The following PPM1H variants were observed in gnomAD, a reference collection of about 807,000 sequenced individuals.
PPM1H encodes protein phosphatase, Mg2+/Mn2+ dependent 1H, also known as protein phosphatase 1H.
PPM1H carries 27 observed loss-of-function variants against 54.9 expected under a neutral mutation model. The observed-to-expected ratio is 0.49, with a 90% confidence interval of 0.36 to 0.68. PPM1H has a LOEUF of 0.68. Ranked by LOEUF, PPM1H falls within the 30% of genes least tolerant of loss-of-function variation. The pLI, the probability that PPM1H is intolerant of heterozygous loss-of-function variation, is 0.00. For missense variants in PPM1H, 596 were observed against 667.8 expected (o/e 0.89, Z 1.19); for synonymous variants, 305 against 270.8 (o/e 1.13, Z -1.24).
chr12:62,668,101 C>T (rs2075930550), intron 8 of PPM1H, among the ~76,000 whole-genome samples: 1 of 152,182 alleles, frequency 6.6e-6, no homozygotes, highest in African/African-American at 2.4e-5. Context: ...GATATTTCAA[C>T]ACCCACCTAA....
At position 62,646,002 on chromosome 12, in the gene PPM1H, A is replaced by G. The variant is rs1201284647; in HGVS notation, c.*2487T>C. ...CTGAGTAAGCTCAATTTATAGAGCA[A>G]TATCAGTGCTGGACAGATCTGCCAT... On this transcript the variant is annotated 3_prime_UTR_variant, in exon 10 of 10. Transcript: ENST00000228705. 6.6e-6 allele frequency: 1 copy of G among 152,214 alleles called. No individual in the cohort carries two copies. The highest frequency in any genetic ancestry group is 1.5e-5 in the Non-Finnish European group (1 of 68,040). 9.4% of individuals were successfully genotyped at this position (152,214 alleles called of 1,614,324 possible).
intron 1 of PPM1H, among the ~76,000 whole-genome samples, chr12:62,883,183 C>A (rs1282421119): frequency 3.3e-5 from 5 of 152,186 alleles, no homozygotes; most frequent in Admixed American, 1.3e-4. Flanking sequence ...CTTCTGCCTA[C>A]CTGCAGCTCA....
chr12:62,676,591 G>A (rs931726979), intron 8 of PPM1H, among the ~76,000 whole-genome samples: 3 of 152,220 alleles, frequency 2.0e-5, no homozygotes, highest in African/African-American at 7.2e-5. Flanking sequence ...GCCTACTCCA[G>A]TGTGGAGCAA....
intron 1 of PPM1H, among the ~76,000 whole-genome samples, chr12:62,894,646 A>C (rs1870918513): frequency 6.6e-6 from 1 of 152,236 alleles, no homozygotes; most frequent in Non-Finnish European, 1.5e-5. Flanking sequence ...AGTCCTTAGC[A>C]TAGCACTGGA....
At chr12:62,729,268 G>A (rs2076307069) in intron 5 of PPM1H, among the ~76,000 whole-genome samples, 1 of 152,126 alleles carries the variant, frequency 6.6e-6, no homozygotes, top group South Asian at 2.1e-4. Flanking sequence ...CTTAAGAGTT[G>A]GTCAGGCAAG....
At position 62,832,294 on chromosome 12, in the gene PPM1H, G is replaced by A. The variant is rs774877509; in HGVS notation, c.246-15C>T. On this transcript the variant is annotated splice_polypyrimidine_tract_variant and intron_variant, in intron 1 of 9. Transcript: ENST00000228705. ...CATTGATAACCCTGGAGAAGAAGCCGGAAAAGCTGGTCAGACAGACCGATA... is the reference window on the plus strand; with the variant it reads ...CATTGATAACCCTGGAGAAGAAGCCAGAAAAGCTGGTCAGACAGACCGATA... 1.9e-5 allele frequency: 31 copies of A among 1,597,524 alleles called. No homozygotes were observed. The highest frequency in any genetic ancestry group is 1.4e-4 in the East Asian group (6 of 44,370).
chr12:62,743,673 G>C (rs1416382643), intron 4 of PPM1H, among the ~76,000 whole-genome samples: 1 of 151,824 alleles, frequency 6.6e-6, no homozygotes, highest in Non-Finnish European at 1.5e-5. Flanking sequence ...TGTTCTCAGA[G>C]CAGGACTGAC....
At chr12:62,722,723 T>TA (rs1447799106) in intron 5 of PPM1H, among the ~76,000 whole-genome samples, 1 of 152,324 alleles carries the variant, frequency 6.6e-6, no homozygotes, top group South Asian at 2.1e-4. Context: ...ATTGAATGAA[T>TA]AACTCATTAA....
At chr12:62,791,785 A>G (rs139649872) in intron 3 of PPM1H, among the ~76,000 whole-genome samples, 33 of 152,262 alleles carry the variant, frequency 2.2e-4, no homozygotes, top group African/African-American at 7.7e-4. Flanking sequence ...TTAGCTGGGT[A>G]TGGTGGTGTG....
Position 62,802,048 on chromosome 12 carries a change from T to C in PPM1H, c.524A>G (p.Gln175Arg). 6.2e-7 allele frequency: 1 copy of C among 1,613,416 alleles called. No individual in the cohort carries two copies. Among genetic ancestry groups the C allele is most frequent in the South Asian group, 1.1e-5 (1 of 91,066 alleles). Reference protein sequence around the residue: ...LLQHHITEQLQDIVDILKNSA... With the variant: ...LLQHHITEQLRDIVDILKNSA... ...GTTCTTCAGGATGTCCACGATGTCCTGCAGCTGCTCCGTGATGTGGTGCTG... is the reference window on the plus strand; with the variant it reads ...GTTCTTCAGGATGTCCACGATGTCCCGCAGCTGCTCCGTGATGTGGTGCTG... The change falls in exon 3 of 10, where the codon CAG (glutamine) becomes CGG (arginine). Residue 175 changes from glutamine (Q) to arginine (R), a missense_variant. By Grantham distance (43) the Gln-to-Arg change is conservative. Around this residue, in one of 3 missense-constraint regions of PPM1H, gnomAD observed 382 missense variants for 387.1 expected, o/e 0.99. Transcript: ENST00000228705.
At chr12:62,914,036 G>T (rs868731842) in intron 1 of PPM1H, among the ~76,000 whole-genome samples, 1 of 152,132 alleles carries the variant, frequency 6.6e-6, no homozygotes. Context: ...ATAAAGGAGT[G>T]CTGTAGTTTG....
chr12:62,802,557 C>T (rs1203227408), intron 2 of PPM1H, among the ~76,000 whole-genome samples: 1 of 133,782 alleles, frequency 7.5e-6, no homozygotes, highest in Non-Finnish European at 1.6e-5. Flanking sequence ...CACCTAACTC[C>T]TTAACTCCCG....
rs1491272058 is a variant in PPM1H at position 62,644,312 on chromosome 12, CAA to C, written c.*4175_*4176del. The C allele has an allele frequency of 6.6e-6, 1 of 151,990 alleles. No individual in the cohort carries two copies. The highest frequency in any genetic ancestry group is 2.4e-5 in the African/African-American group (1 of 41,366). The allele number at this position is 151,990 out of a possible 1,614,324, so 9.4% of individuals were successfully genotyped here. ...CCTCCCTGGGTCTCCAGAAAAAAAA[CAA>C]AGAAAACTGGGGGCAAAACAGGAGT... is the stretch of plus-strand genomic sequence containing the variant. On this transcript the variant is annotated 3_prime_UTR_variant, in exon 10 of 10. Transcript: ENST00000228705.
At chr12:62,703,949 C>G (rs1029261769) in intron 6 of PPM1H, among the ~76,000 whole-genome samples, 18 of 148,946 alleles carry the variant, frequency 1.2e-4, no homozygotes, top group East Asian at 2.0e-4. Flanking sequence ...GCTCTTCCCC[C>G]CTCACTACAT....
intron 9 of PPM1H, among the ~76,000 whole-genome samples, chr12:62,654,772 C>T (rs1330958697): frequency 1.3e-5 from 2 of 152,134 alleles, no homozygotes; most frequent in African/African-American, 2.4e-5. Flanking sequence ...TGTGGTAAAC[C>T]TACCCAGCCA....
intron 4 of PPM1H, among the ~76,000 whole-genome samples, chr12:62,751,580 G>A (rs1036349250): frequency 1.4e-4 from 22 of 152,154 alleles, no homozygotes; most frequent in Admixed American, 4.6e-4. Flanking sequence ...TACATCTGAC[G>A]AAAGCTCATG....
intron 9 of PPM1H, among the ~76,000 whole-genome samples, chr12:62,660,471 G>T (rs1484902251): frequency 6.6e-6 from 1 of 152,134 alleles, no homozygotes; most frequent in African/African-American, 2.4e-5. Flanking sequence ...CAAATAGCAT[G>T]GTACTGGCAT....
At chr12:62,806,008 A>G (rs947509958) in intron 2 of PPM1H, among the ~76,000 whole-genome samples, 1 of 152,220 alleles carries the variant, frequency 6.6e-6, no homozygotes, top group Admixed American at 6.5e-5. Context: ...GAAATAAAAC[A>G]TTACATTTGA....
intron 8 of PPM1H, among the ~76,000 whole-genome samples, chr12:62,684,210 C>T (rs1311001301): frequency 6.6e-6 from 1 of 152,154 alleles, no homozygotes; most frequent in Non-Finnish European, 1.5e-5. Flanking sequence ...GGAGTCAAAA[C>T]ATCCCCTACA....
Sources: allele counts gnomAD v4.1 joint callset (sites outside exome capture counted in the v4.1 genomes callset), GRCh38; gene constraint gnomAD v4.1.1; regional missense constraint gnomAD v4.1.1; transcripts MANE v1.5; gene names NCBI Gene and HGNC (gene_info 2026-07-23, HGNC 2026-07-21).